Variants in SLC39A11 observed in about 807,000 individuals in gnomAD.
The protein encoded by SLC39A11 is zinc transporter ZIP11.
A neutral mutation model predicts 36.1 loss-of-function variants in SLC39A11; 33 were observed. The observed-to-expected ratio is 0.91, with a 90% CI of 0.69 to 1.22. SLC39A11 has a LOEUF of 1.22. SLC39A11 is among the 50% of genes most tolerant of loss of function. The probability of loss-of-function intolerance (pLI) is 0.00; values close to 1 mark genes in which losing one functional copy is unlikely to be tolerated. For missense variants in SLC39A11, 432 were observed against 430.3 expected, an observed-to-expected ratio of 1.00 and a Z score of -0.03; for synonymous variants, 166 against 170.3, an observed-to-expected ratio of 0.97 and a Z score of 0.20.
chr17:72,988,167 A>G (rs2148259646), intron 4 of SLC39A11, among the ~76,000 whole-genome samples: 1 of 152,326 alleles, frequency 6.6e-6, no homozygotes, highest in African/African-American at 2.4e-5. Flanking sequence ...AAAGTGTACA[A>G]TTAGGCTGGG....
intron 4 of SLC39A11, among the ~76,000 whole-genome samples, chr17:73,031,066 A>G (rs2058723732): frequency 6.6e-6 from 1 of 152,194 alleles, no homozygotes; most frequent in African/African-American, 2.4e-5. Context: ...AGGGATATAC[A>G]ATCAGTAAAT....
chr17:72,796,473 G>A (rs2076899125), intron 6 of SLC39A11, among the ~76,000 whole-genome samples: 1 of 152,130 alleles, frequency 6.6e-6, no homozygotes. Flanking sequence ...CCGTGGAGCT[G>A]GGCTTCCAGG....
At chr17:72,829,240 C>G (rs910600941) in intron 6 of SLC39A11, among the ~76,000 whole-genome samples, 1 of 151,616 alleles carries the variant, frequency 6.6e-6, no homozygotes, top group Non-Finnish European at 1.5e-5. Context: ...CCCAGCTACT[C>G]AGGAAGCTGA....
At chr17:72,749,962 G>T (rs948357971) in intron 6 of SLC39A11, among the ~76,000 whole-genome samples, 3 of 152,096 alleles carry the variant, frequency 2.0e-5, no homozygotes, top group South Asian at 4.1e-4. Flanking sequence ...GAGAGCACAC[G>T]CACAAAGAGA....
chr17:73,069,527 C>T (rs1490210314), intron 3 of SLC39A11, among the ~76,000 whole-genome samples: 1 of 152,178 alleles, frequency 6.6e-6, no homozygotes, highest in Admixed American at 6.5e-5. Flanking sequence ...ACGTTTGGGC[C>T]AACTCTAAAA....
intron 4 of SLC39A11, among the ~76,000 whole-genome samples, chr17:72,979,901 GCT>G (rs1298400248): frequency 6.6e-6 from 1 of 152,012 alleles, no homozygotes; most frequent in Admixed American, 6.6e-5. Context: ...CCCATGACTT[GCT>G]CCCCAAAGCA....
At chr17:72,935,788 T>A (rs564005659) in intron 5 of SLC39A11, among the ~76,000 whole-genome samples, 1 of 152,004 alleles carries the variant, frequency 6.6e-6, no homozygotes, top group Non-Finnish European at 1.5e-5. Context: ...TTTCACCATG[T>A]TGGCCAGGCT....
chr17:72,688,922 T>C (rs776730086), intron 7 of SLC39A11, among the ~76,000 whole-genome samples: 54 of 152,134 alleles, frequency 3.5e-4, no homozygotes, highest in Non-Finnish European at 6.9e-4. Context: ...ACCAAGGTGA[T>C]TTGTGACATC....
intron 6 of SLC39A11, among the ~76,000 whole-genome samples, chr17:72,751,522 C>G (rs959431309): frequency 5.3e-5 from 8 of 152,258 alleles, no homozygotes; most frequent in Admixed American, 4.6e-4. Flanking sequence ...AGTGTACATT[C>G]ATTGGCATTA....
intron 6 of SLC39A11, among the ~76,000 whole-genome samples, chr17:72,756,434 T>G (rs2075365776): frequency 6.6e-6 from 1 of 152,208 alleles, no homozygotes; most frequent in African/African-American, 2.4e-5. Flanking sequence ...ATCCACACAA[T>G]GGAATAGTAT....
intron 6 of SLC39A11, among the ~76,000 whole-genome samples, chr17:72,797,471 T>C (rs565362435): frequency 5.3e-5 from 8 of 152,052 alleles, no homozygotes; most frequent in Non-Finnish European, 1.0e-4. Flanking sequence ...GAAGGTAGCA[T>C]TAGATGAGGG....
At position 72,647,569 on chromosome 17, in the gene SLC39A11, C is replaced by T. The variant is rs751867496; in HGVS notation, c.*15G>A. ...TCTTCGTATGGCCTTTCCCGGGGTC[C>T]GAAGCGTCTCAGCCCTAGCCCAGGC... On this transcript the variant is annotated 3_prime_UTR_variant, in exon 10 of 10. Transcript: ENST00000255559. The T allele has an allele frequency of 2.4e-5, 38 of 1,611,668 alleles. No individual in the cohort carries two copies. The highest frequency in any genetic ancestry group is 1.7e-4 in the Middle Eastern group (1 of 5,728).
At chr17:73,013,622 G>A (rs2090646079) in intron 4 of SLC39A11, among the ~76,000 whole-genome samples, 1 of 152,188 alleles carries the variant, frequency 6.6e-6, no homozygotes, top group South Asian at 2.1e-4. Flanking sequence ...GCAGCAGGTG[G>A]CCCAGGACGG....
At chr17:73,085,043 G>C (rs2060676462) in intron 2 of SLC39A11, among the ~76,000 whole-genome samples, 197 bp from the exon 3 acceptor site, 1 of 152,194 alleles carries the variant, frequency 6.6e-6, no homozygotes, top group Admixed American at 6.5e-5. Flanking sequence ...CCACCCCATA[G>C]CCAATCAGAA....
At chr17:72,995,772 A>T (rs2089469188) in intron 4 of SLC39A11, among the ~76,000 whole-genome samples, 1 of 152,160 alleles carries the variant, frequency 6.6e-6, no homozygotes, top group Non-Finnish European at 1.5e-5. Flanking sequence ...GAATTACACC[A>T]CTGGCTTTCC....
At chr17:72,658,679 G>C (rs2070263439) in intron 7 of SLC39A11, among the ~76,000 whole-genome samples, 1 of 152,186 alleles carries the variant, frequency 6.6e-6, no homozygotes, top group Non-Finnish European at 1.5e-5. Context: ...GATGTGTAGT[G>C]CCAGTCAAAC....
rs74357354 is a variant in SLC39A11 at position 73,037,032 on chromosome 17, A to C, written c.148-5318T>G. Among the ~76,000 whole-genome samples the C allele has an allele frequency of 2.8e-3, 419 of 151,750 alleles. 7 individuals are homozygous for C. In the South Asian group the frequency reaches 0.03, roughly 11 times the overall value. Reference sequence around the variant, plus strand: ...TCACTTGGTTTTTAATGCATTTAAGATTCCTCCATGTCTTCTCATGACTTG... The same window carrying C: ...TCACTTGGTTTTTAATGCATTTAAGCTTCCTCCATGTCTTCTCATGACTTG... On this transcript the variant is annotated intron_variant, in intron 3 of 9. Transcript: ENST00000255559.
intron 6 of SLC39A11, among the ~76,000 whole-genome samples, chr17:72,762,742 G>A (rs924813805): frequency 1.3e-5 from 2 of 152,024 alleles, no homozygotes; most frequent in African/African-American, 2.4e-5. Flanking sequence ...GGATTATTGC[G>A]TACCTCCTTA....
intron 2 of SLC39A11, among the ~76,000 whole-genome samples, chr17:73,085,363 A>T (rs1445592450): frequency 6.6e-6 from 1 of 151,290 alleles, no homozygotes; most frequent in Non-Finnish European, 1.5e-5. Flanking sequence ...AAAAAAAAAT[A>T]GGCTGGGTGC....
Sources: allele counts gnomAD v4.1 joint callset (sites outside exome capture counted in the v4.1 genomes callset), GRCh38; gene constraint gnomAD v4.1.1; transcripts MANE v1.5; gene names NCBI Gene and HGNC (gene_info 2026-07-23, HGNC 2026-07-21).